The following VRK2 variants were observed in gnomAD, a reference collection of about 807,000 sequenced individuals.
VRK2 encodes the protein VRK serine/threonine kinase 2.
A neutral mutation model predicts 57.6 loss-of-function variants in VRK2; 60 were observed. The ratio of observed to expected loss-of-function variants is 1.04; its 90% CI spans 0.85 to 1.29. VRK2 has a LOEUF of 1.29. VRK2 is among the 50% of genes most tolerant of loss of function. VRK2 has a pLI of 0.00. For synonymous variants in VRK2, 231 were observed against 199.2 expected, an observed-to-expected ratio of 1.16 and a Z score of -1.35; for missense variants, 705 against 588.1, an observed-to-expected ratio of 1.20 and a Z score of -2.06.
intron 8 of VRK2, among the ~76,000 whole-genome samples, chr2:58,124,508 T>G (rs543781010): frequency 6.6e-6 from 1 of 152,226 alleles, no homozygotes; most frequent in African/African-American, 2.4e-5. Flanking sequence ...TTAAACAGTT[T>G]TGAAAGGACC....
intron 3 of VRK2, chr2:58,041,167 T>A: frequency 3.1e-6 from 2 of 643,336 alleles, no homozygotes; most frequent in Non-Finnish European, 3.9e-6. Flanking sequence ...ATCATACCAC[T>A]TTTGGCTAGT....
chr2:58,145,990 T>TA (rs1682061399), intron 11 of VRK2, among the ~76,000 whole-genome samples: 1 of 152,092 alleles, frequency 6.6e-6, no homozygotes, highest in African/African-American at 2.4e-5. Context: ...CCATGGTGTA[T>TA]ATGTGCCACA....
intron 1 of VRK2, among the ~76,000 whole-genome samples, chr2:57,914,332 T>C (rs1027238170): frequency 6.6e-6 from 1 of 151,974 alleles, no homozygotes; most frequent in Non-Finnish European, 1.5e-5. Context: ...GTATAAAGTG[T>C]TTTAGCCTAG....
At chr2:58,109,546 G>C (rs1372812773) in intron 7 of VRK2, among the ~76,000 whole-genome samples, 2 of 152,188 alleles carry the variant, frequency 1.3e-5, no homozygotes, top group Non-Finnish European at 2.9e-5. Flanking sequence ...TGGCAGAAGG[G>C]GAAGCAAATA....
chr2:58,158,767 T>A (rs1684450002), intron 12 of VRK2, among the ~76,000 whole-genome samples: 1 of 152,114 alleles, frequency 6.6e-6, no homozygotes. Context: ...AGTTAATTTG[T>A]TTTATATTAA....
At chr2:58,116,597 G>A (rs1041804147) in intron 7 of VRK2, among the ~76,000 whole-genome samples, 5 of 152,112 alleles carry the variant, frequency 3.3e-5, no homozygotes, top group African/African-American at 4.8e-5. Flanking sequence ...AGAAGGGGAC[G>A]GACTTACCCT....
chr2:58,143,481 T>C (rs2312486), intron 11 of VRK2, among the ~76,000 whole-genome samples: 9,963 of 152,010 alleles, frequency 0.066, 1,089 homozygotes, highest in African/African-American at 0.23. Flanking sequence ...GCTATCATTT[T>C]GTTTAGTAGC....
At chr2:58,099,531 A>T (rs1293765270) in intron 7 of VRK2, among the ~76,000 whole-genome samples, 1 of 152,084 alleles carries the variant, frequency 6.6e-6, no homozygotes, top group East Asian at 1.9e-4. Flanking sequence ...GCATGAGGCC[A>T]GTCTTGATGC....
At chr2:58,123,078 A>G (rs754819241) in intron 7 of VRK2, 23 bp from the exon 8 acceptor site, 3 of 1,587,924 alleles carry the variant, frequency 1.9e-6, no homozygotes, top group Admixed American at 3.8e-5. Context: ...GGCATTATTC[A>G]TTTGTCTGTG....
At position 57,969,018 on chromosome 2, in the gene VRK2, C is replaced by T. The variant is rs188700461; in HGVS notation, c.-438-56647C>T. Among the ~76,000 whole-genome samples the T allele has an allele frequency of 4.1e-3, 629 of 152,114 alleles. 2 individuals are homozygous for T. Among genetic ancestry groups the T allele is most frequent in the African/African-American group, 0.014 (584 of 41,526 alleles). On this transcript the variant is annotated intron_variant, in intron 1 of 15. Coordinates refer to the VRK2 transcript ENST00000417641. ...CAGGCAAGCCTCATTGCCAGGTTTC[C>T]CTTACCATTAAAGATTTTCTTTTTT...
intron 1 of VRK2, among the ~76,000 whole-genome samples, chr2:58,013,320 A>C (rs529226636): frequency 1.3e-4 from 20 of 152,356 alleles, no homozygotes; most frequent in African/African-American, 4.8e-4. Flanking sequence ...TCTGTTATTT[A>C]CACATCTACT....
chr2:57,940,057 T>C (rs932280270), intron 1 of VRK2, among the ~76,000 whole-genome samples: 1 of 152,142 alleles, frequency 6.6e-6, no homozygotes. Context: ...ATAAAAGTCA[T>C]TGTATTAGTC....
chr2:57,919,990 C>A (rs1285291448), intron 1 of VRK2, among the ~76,000 whole-genome samples: 3 of 152,028 alleles, frequency 2.0e-5, no homozygotes, highest in Non-Finnish European at 4.4e-5. Flanking sequence ...ACCATCTACT[C>A]AGTAGAAAAC....
intron 1 of VRK2, among the ~76,000 whole-genome samples, chr2:57,948,766 C>G (rs1032768363): frequency 6.6e-6 from 1 of 151,788 alleles, no homozygotes; most frequent in Non-Finnish European, 1.5e-5. Flanking sequence ...AGTTGAGCAC[C>G]CCAAAAATAG....
At chr2:58,002,529 T>TA (rs762853276) in intron 1 of VRK2, among the ~76,000 whole-genome samples, 20 of 152,090 alleles carry the variant, frequency 1.3e-4, no homozygotes, top group Non-Finnish European at 2.8e-4. Flanking sequence ...AGACCACACT[T>TA]ATTTTGAGAA....
intron 1 of VRK2, among the ~76,000 whole-genome samples, chr2:57,941,989 A>G (rs1337091830): frequency 6.6e-6 from 1 of 152,220 alleles, no homozygotes; most frequent in Non-Finnish European, 1.5e-5. Flanking sequence ...TGGGGATGGC[A>G]TGTCTTAATT....
chr2:58,151,731 G>GT lies in VRK2; in HGVS notation c.1182+5293dup, dbSNP rs60379025. On this transcript the variant is annotated intron_variant, in intron 12 of 12. Coordinates refer to ENST00000340157, the MANE Select transcript of VRK2 (RefSeq NM_006296.7). ...TTTTTTTAACTATGCTTCTATGCTT[G>GT]TTTTTTTTTTTTTTTTTTTTTTTTT... 2.4e-4 allele frequency among the ~76,000 whole-genome samples: 4 copies of GT among 16,720 alleles called. 1 individual carries two copies. Among genetic ancestry groups the GT allele is most frequent in the Non-Finnish European group, 3.0e-4 (2 of 6,626 alleles). 11.0% of individuals were successfully genotyped at this position (16,720 alleles called of 152,430 possible). A position where few individuals can be genotyped will look rare whatever the true frequency, so the allele number is the denominator to read the frequency against.
At chr2:57,918,849 A>G (rs1670240946) in intron 1 of VRK2, among the ~76,000 whole-genome samples, 2 of 152,074 alleles carry the variant, frequency 1.3e-5, no homozygotes, top group African/African-American at 4.8e-5. Flanking sequence ...TCTAATCCTG[A>G]TCCTTCTTGA....
At chr2:58,099,747 C>G (rs916531176) in intron 7 of VRK2, among the ~76,000 whole-genome samples, 1 of 151,950 alleles carries the variant, frequency 6.6e-6, no homozygotes, top group Non-Finnish European at 1.5e-5. Context: ...TGATTCCTGG[C>G]GATTGTGGTG....
Sources: allele counts gnomAD v4.1 joint callset (sites outside exome capture counted in the v4.1 genomes callset), GRCh38; gene constraint gnomAD v4.1.1; transcripts MANE v1.5; gene names NCBI Gene and HGNC (gene_info 2026-07-23, HGNC 2026-07-21).